Variants in MED12L observed in about 807,000 individuals in gnomAD.
MED12L encodes the protein mediator of RNA polymerase II transcription subunit 12-like protein.
MED12L carries 60 observed loss-of-function variants against 281.3 expected under a neutral mutation model. The ratio of observed to expected loss-of-function variants is 0.21; its 90% CI spans 0.17 to 0.26. The LOEUF (loss-of-function observed/expected upper bound fraction) is 0.26. Among genes scored for constraint, MED12L ranks in the 10% least tolerant of loss-of-function variants. The pLI, the probability that MED12L is intolerant of heterozygous loss-of-function variation, is 1.00. For synonymous variants in MED12L, 974 were observed against 987.2 expected, an observed-to-expected ratio of 0.99 and a Z score of 0.25; for missense variants, 2,146 against 2,680.9, an observed-to-expected ratio of 0.80 and a Z score of 4.41.
intron 16 of MED12L, among the ~76,000 whole-genome samples, chr3:151,311,106 A>G (rs962917297): frequency 2.6e-5 from 4 of 152,192 alleles, no homozygotes; most frequent in African/African-American, 9.7e-5. Flanking sequence ...CGCACTGGCC[A>G]GTTGTTTAGT....
intron 2 of MED12L, among the ~76,000 whole-genome samples, chr3:151,102,765 A>G (rs1473952043): frequency 6.6e-6 from 1 of 152,136 alleles, no homozygotes; most frequent in South Asian, 2.1e-4. Flanking sequence ...GAAGCACTGC[A>G]CCCAGCCTTG....
chr3:151,237,065 T>G (rs1450144280), intron 16 of MED12L, among the ~76,000 whole-genome samples: 2 of 150,866 alleles, frequency 1.3e-5, no homozygotes, highest in Non-Finnish European at 3.0e-5. Flanking sequence ...TTTTTTTTTT[T>G]TGAGACGGAA....
chr3:151,330,656 T>C (rs1181837639), intron 16 of MED12L, among the ~76,000 whole-genome samples: 1 of 152,168 alleles, frequency 6.6e-6, no homozygotes, highest in East Asian at 1.9e-4. Flanking sequence ...TTTGGGTGAC[T>C]TGGCTTTGAA....
At chr3:151,374,153 A>G (rs1439059386) in intron 27 of MED12L, among the ~76,000 whole-genome samples, 4 of 152,156 alleles carry the variant, frequency 2.6e-5, no homozygotes, top group East Asian at 1.9e-4. Flanking sequence ...TAATTCTATG[A>G]TACATCTGAA....
At chr3:151,428,945 CTG>C (rs1719158290) in intron 43 of MED12L, among the ~76,000 whole-genome samples, 1 of 152,214 alleles carries the variant, frequency 6.6e-6, no homozygotes, top group African/African-American at 2.4e-5. Flanking sequence ...AATCTAGCAA[CTG>C]TACTTACAAT....
chr3:151,167,097 A>G (rs547622683), intron 11 of MED12L, among the ~76,000 whole-genome samples: 1 of 152,370 alleles, frequency 6.6e-6, no homozygotes, highest in African/African-American at 2.4e-5. Flanking sequence ...AAATCTTTTT[A>G]GCAACAACTA....
intron 2 of MED12L, among the ~76,000 whole-genome samples, chr3:151,092,286 C>T (rs746763702): frequency 6.6e-6 from 1 of 152,224 alleles, no homozygotes; most frequent in Non-Finnish European, 1.5e-5. Flanking sequence ...GTTCATTTCC[C>T]TGAGTTAATA....
rs1032338948 is a variant in MED12L at position 151,168,327 on chromosome 3, A to T, written c.1494+2345A>T. Among the ~76,000 whole-genome samples the T allele has an allele frequency of 5.9e-5, 9 of 152,324 alleles. No individual in the cohort carries two copies. The South Asian group carries it at 1.4e-3, about 25-fold the overall frequency. On this transcript the variant is annotated intron_variant, in intron 11 of 44. Transcript: ENST00000687756. Reference sequence around the variant, plus strand: ...ATTATTATGATCGTATAGGTATAGAAGTTATAAATAAGTGTGTGTTGAAAG... The same window carrying T: ...ATTATTATGATCGTATAGGTATAGATGTTATAAATAAGTGTGTGTTGAAAG...
intron 16 of MED12L, among the ~76,000 whole-genome samples, chr3:151,253,999 G>GTTTTTTTT (rs11453294): frequency 7.3e-6 from 1 of 136,916 alleles, no homozygotes; most frequent in African/African-American, 2.7e-5. Flanking sequence ...ATTTTTTCTT[G>GTTTTTTTT]TTTTTTTTTT....
intron 16 of MED12L, among the ~76,000 whole-genome samples, chr3:151,277,130 C>T (rs1014977887): frequency 6.6e-6 from 1 of 151,826 alleles, no homozygotes; most frequent in African/African-American, 2.4e-5. Flanking sequence ...AACTCCTGAC[C>T]AGCCTCTCCT....
chr3:151,408,795 A>G (rs1716629034), intron 39 of MED12L, among the ~76,000 whole-genome samples: 1 of 152,274 alleles, frequency 6.6e-6, no homozygotes, highest in African/African-American at 2.4e-5. Flanking sequence ...ATAGGCAATT[A>G]GTAGGTCACT....
intron 16 of MED12L, among the ~76,000 whole-genome samples, chr3:151,315,233 G>C (rs1241653691): frequency 6.6e-6 from 1 of 152,094 alleles, no homozygotes; most frequent in Non-Finnish European, 1.5e-5. Context: ...GAAATATTTT[G>C]TTGTTGTGGT....
chr3:151,398,938 C>T (rs543228702), intron 39 of MED12L, among the ~76,000 whole-genome samples: 14 of 152,214 alleles, frequency 9.2e-5, no homozygotes, highest in Admixed American at 3.9e-4. Context: ...ATGTAAATGT[C>T]GTCTTTTTCA....
intron 16 of MED12L, among the ~76,000 whole-genome samples, chr3:151,231,616 A>G (rs1229450563): frequency 6.6e-6 from 1 of 152,224 alleles, no homozygotes; most frequent in African/African-American, 2.4e-5. Flanking sequence ...AGAAACAAAC[A>G]TGATGGGCTG....
chr3:151,435,631 A>T lies in MED12L; in HGVS notation c.*2827A>T, dbSNP rs1720072195. 6.7e-6 allele frequency: 1 copy of T among 149,084 alleles called. No homozygotes were observed. The highest frequency in any genetic ancestry group is 6.8e-5 in the Admixed American group (1 of 14,756). The allele number at this position is 149,084 out of a possible 1,614,324, so 9.2% of individuals were successfully genotyped here. On this transcript the variant is annotated 3_prime_UTR_variant, in exon 45 of 45. Coordinates refer to ENST00000687756, the MANE Select transcript of MED12L (RefSeq NM_001393769.1). Reference sequence around the variant, plus strand: ...ATAAAGCTCCTATAATTCTTAAGTAAGTACTAGGTGAATGTTTGAATAGAT... The same window carrying T: ...ATAAAGCTCCTATAATTCTTAAGTATGTACTAGGTGAATGTTTGAATAGAT...
intron 8 of MED12L, among the ~76,000 whole-genome samples, chr3:151,162,051 A>G (rs1267435096): frequency 6.6e-6 from 1 of 152,206 alleles, no homozygotes; most frequent in African/African-American, 2.4e-5. Context: ...AGAAGAGAAG[A>G]GAATGGATAA....
At chr3:151,284,110 TC>T (rs2149631409) in intron 16 of MED12L, among the ~76,000 whole-genome samples, 1 of 152,338 alleles carries the variant, frequency 6.6e-6, no homozygotes, top group African/African-American at 2.4e-5. Context: ...AGATAAACTT[TC>T]CCACAGTTGT....
At chr3:151,385,654 C>T (rs1355282954) in intron 36 of MED12L, among the ~76,000 whole-genome samples, 2 of 150,552 alleles carry the variant, frequency 1.3e-5, no homozygotes, top group Non-Finnish European at 1.5e-5. Context: ...ATGTGCTAGG[C>T]TCATGCCTGT....
At chr3:151,269,670 T>C (rs768034328) in intron 16 of MED12L, 7 of 415,502 alleles carry the variant, frequency 1.7e-5, no homozygotes, top group African/African-American at 4.2e-5. Context: ...TTTGGAGGTA[T>C]TAAATCAGGT....
Sources: allele counts gnomAD v4.1 joint callset (sites outside exome capture counted in the v4.1 genomes callset), GRCh38; gene constraint gnomAD v4.1.1; transcripts MANE v1.5; gene names NCBI Gene and HGNC (gene_info 2026-07-23, HGNC 2026-07-21).